The following BABAM2 variants were observed in gnomAD, a reference collection of about 807,000 sequenced individuals.
BABAM2 encodes BRISC and BRCA1-A complex member 2.
Under a neutral mutation model 54.7 loss-of-function variants are expected in BABAM2, and 31 were observed. That is an observed-to-expected ratio of 0.57 (90% CI 0.43 to 0.77). The LOEUF (loss-of-function observed/expected upper bound fraction) is 0.77. Ranked by LOEUF, BABAM2 falls within the 30% of genes least tolerant of loss-of-function variation. BABAM2 has a pLI of 0.00. For synonymous variants in BABAM2, 167 were observed against 162.9 expected, an observed-to-expected ratio of 1.03 and a Z score of -0.19; for missense variants, 364 against 455.8, an observed-to-expected ratio of 0.80 and a Z score of 1.83.
intron 1 of BABAM2, 50 bp from the exon 2 acceptor site, chr2:27,894,483 A>G (rs1226189552): frequency 1.3e-6 from 2 of 1,548,488 alleles, no homozygotes; most frequent in East Asian, 2.2e-5. Context: ...AGAGTGTTGT[A>G]TCTAGTCCAT....
intron 2 of BABAM2, among the ~76,000 whole-genome samples, chr2:27,921,229 G>A (rs2148330853): frequency 6.6e-6 from 1 of 152,194 alleles, no homozygotes; most frequent in East Asian, 1.9e-4. Context: ...TTGTAGCCTT[G>A]ATTTATGTGT....
At chr2:28,235,725 C>T (rs1021334379) in intron 7 of BABAM2, among the ~76,000 whole-genome samples, 34 of 152,254 alleles carry the variant, frequency 2.2e-4, no homozygotes, top group African/African-American at 7.9e-4. Flanking sequence ...GGCACGATCT[C>T]GGCTCACTGC....
intron 6 of BABAM2, among the ~76,000 whole-genome samples, chr2:28,087,975 A>T (rs1410419077): frequency 6.6e-6 from 1 of 152,104 alleles, no homozygotes; most frequent in African/African-American, 2.4e-5. Context: ...ATAAATCAGT[A>T]ATGCTTTCGG....
chr2:28,037,868 G>A (rs1676777085), intron 5 of BABAM2, among the ~76,000 whole-genome samples: 2 of 152,178 alleles, frequency 1.3e-5, no homozygotes, highest in South Asian at 2.1e-4. Flanking sequence ...GGCAGATACT[G>A]GATGGACATT....
At chr2:28,131,073 A>ATTTT (rs1259022923) in intron 7 of BABAM2, among the ~76,000 whole-genome samples, 122 of 7,310 alleles carry the variant, frequency 0.017, 3 homozygotes, top group Non-Finnish European at 0.029. Flanking sequence ...TATTATTATT[A>ATTTT]TTATTATTTT....
At chr2:27,974,620 A>G (rs1671461854) in intron 3 of BABAM2, among the ~76,000 whole-genome samples, 2 of 152,158 alleles carry the variant, frequency 1.3e-5, no homozygotes, top group African/African-American at 4.8e-5. Flanking sequence ...CTTATAAAGG[A>G]CATCTACCCA....
chr2:28,139,346 GA>G (rs1229492465), intron 7 of BABAM2, among the ~76,000 whole-genome samples: 1 of 103,578 alleles, frequency 9.7e-6, no homozygotes, highest in Non-Finnish European at 2.0e-5. Context: ...AAAAAAAAAA[GA>G]AAAAGAAAAA....
At chr2:28,085,920 G>GA (rs1367797933) in intron 6 of BABAM2, among the ~76,000 whole-genome samples, 1 of 151,972 alleles carries the variant, frequency 6.6e-6, no homozygotes, top group Non-Finnish European at 1.5e-5. Flanking sequence ...CATCTGCACT[G>GA]AAAAAATGTA....
chr2:28,160,528 A>G (rs1345662748), intron 7 of BABAM2, among the ~76,000 whole-genome samples: 1 of 152,180 alleles, frequency 6.6e-6, no homozygotes, highest in African/African-American at 2.4e-5. Context: ...ACACATTCAC[A>G]TACTTGTGCA....
At chr2:27,937,824 A>G (rs1239364391) in intron 3 of BABAM2, among the ~76,000 whole-genome samples, 1 of 152,176 alleles carries the variant, frequency 6.6e-6, no homozygotes, top group Admixed American at 6.5e-5. Flanking sequence ...TGTAATCTAT[A>G]TATTTTTGCT....
intron 7 of BABAM2, among the ~76,000 whole-genome samples, chr2:28,234,193 C>T (rs1170474518): frequency 6.6e-6 from 1 of 152,082 alleles, no homozygotes; most frequent in Non-Finnish European, 1.5e-5. Flanking sequence ...CTCTGAGCCT[C>T]GTTTTTTTCA....
intron 3 of BABAM2, among the ~76,000 whole-genome samples, chr2:27,973,067 C>T (rs147980940): frequency 1.8e-3 from 277 of 151,652 alleles, no homozygotes; most frequent in Non-Finnish European, 3.2e-3. Flanking sequence ...CGTGCCTGGT[C>T]GTAATTATTA....
intron 4 of BABAM2, among the ~76,000 whole-genome samples, chr2:28,013,089 G>T (rs949350314): frequency 3.3e-5 from 5 of 152,144 alleles, no homozygotes; most frequent in African/African-American, 1.2e-4. Context: ...AGCAATTTCT[G>T]ATGGGCAAGA....
chr2:27,985,440 G>A (rs762048708), intron 3 of BABAM2, among the ~76,000 whole-genome samples: 3 of 151,990 alleles, frequency 2.0e-5, no homozygotes, highest in South Asian at 2.1e-4. Context: ...GGTGGTAATC[G>A]TATTGTGGTT....
chr2:27,986,320 G>A (rs1322191891), intron 3 of BABAM2, among the ~76,000 whole-genome samples: 1 of 151,894 alleles, frequency 6.6e-6, no homozygotes, highest in African/African-American at 2.4e-5. Context: ...TAATGATTGA[G>A]TTTCTTTAGT....
intron 5 of BABAM2, among the ~76,000 whole-genome samples, chr2:28,035,652 C>T (rs1389026278): frequency 6.6e-6 from 1 of 152,110 alleles, no homozygotes; most frequent in Non-Finnish European, 1.5e-5. Context: ...ATGACAGTGT[C>T]TCCCTTTTTA....
At chr2:28,064,481 T>C (rs1369582784) in intron 6 of BABAM2, among the ~76,000 whole-genome samples, 1 of 152,238 alleles carries the variant, frequency 6.6e-6, no homozygotes, top group Non-Finnish European at 1.5e-5. Flanking sequence ...AATGATTCAG[T>C]GTTTTCTAGT....
intron 6 of BABAM2, among the ~76,000 whole-genome samples, chr2:28,109,100 CA>C (rs1667768012): frequency 6.6e-6 from 1 of 151,598 alleles, no homozygotes; most frequent in Non-Finnish European, 1.5e-5. Context: ...TACAGCTGAC[CA>C]GGGGAGGAAG....
intron 6 of BABAM2, among the ~76,000 whole-genome samples, chr2:28,078,343 G>T (rs1467719284): frequency 2.6e-5 from 4 of 151,460 alleles, no homozygotes; most frequent in African/African-American, 9.7e-5. Flanking sequence ...CTTAATTATG[G>T]CCCCAAAGTG....
Sources: gnomAD v4.1 joint callset for allele counts (sites outside exome capture counted in the v4.1 genomes callset) on GRCh38, gnomAD v4.1.1 for gene constraint, MANE v1.5 for transcripts, NCBI Gene and HGNC (gene_info 2026-07-23, HGNC 2026-07-21) for gene names.